Variants in CCDC6 observed in about 807,000 individuals in gnomAD.
CCDC6 encodes the protein coiled-coil domain containing 6, also known as coiled-coil domain-containing protein 6.
CCDC6 carries 20 observed loss-of-function variants against 56.6 expected under a neutral mutation model. That is an observed-to-expected ratio of 0.35 (90% CI 0.25 to 0.51). CCDC6 has a LOEUF of 0.51. CCDC6 is among the 20% of genes least tolerant of loss of function. The pLI is 0.95. For missense variants in CCDC6, 367 were observed against 601.1 expected (o/e 0.61, Z 4.07); for synonymous variants, 241 against 234.4 (o/e 1.03, Z -0.26).
chr10:59,789,095 G>A lies in CCDC6; in HGVS notation c.*3822C>T, dbSNP rs1446759334. On this transcript the variant is annotated 3_prime_UTR_variant, in exon 9 of 9. Transcript: ENST00000263102. Reference sequence around the variant, plus strand: ...CAAATCAAGTCCAAAGAAGGCTCAGGGGTCAACCTGACCAGATACTCTTCT... The same window carrying A: ...CAAATCAAGTCCAAAGAAGGCTCAGAGGTCAACCTGACCAGATACTCTTCT... 14 of 75,764 alleles carry A rather than the reference G, an allele frequency of 1.8e-4. No homozygotes were observed. In the Admixed American group the frequency reaches 5.6e-3, roughly 30 times the overall value. The allele number at this position is 75,764 out of a possible 1,614,324, so 4.7% of individuals were successfully genotyped here.
intron 1 of CCDC6, among the ~76,000 whole-genome samples, chr10:59,881,556 T>TG (rs1278348028): frequency 2.0e-5 from 3 of 152,110 alleles, no homozygotes; most frequent in Non-Finnish European, 4.4e-5. Context: ...TAAAATTCAC[T>TG]GGGGGGTTCT....
intron 3 of CCDC6, among the ~76,000 whole-genome samples, chr10:59,829,393 T>A (rs765548042): frequency 7.2e-5 from 11 of 152,236 alleles, no homozygotes; most frequent in African/African-American, 2.4e-4. Context: ...AGAGTTACCA[T>A]GTGACCCAGC....
At chr10:59,880,566 T>A (rs2071324814) in intron 1 of CCDC6, among the ~76,000 whole-genome samples, 1 of 152,212 alleles carries the variant, frequency 6.6e-6, no homozygotes, top group Non-Finnish European at 1.5e-5. Context: ...TGTTTCGTGA[T>A]CTGGGTGCAA....
chr10:59,887,315 GA>G (rs1370267016), intron 1 of CCDC6, among the ~76,000 whole-genome samples: 1 of 152,042 alleles, frequency 6.6e-6, no homozygotes, highest in Non-Finnish European at 1.5e-5. Context: ...TCAACATAAG[GA>G]AATGGTTGAA....
At chr10:59,828,473 A>C (rs1370808003) in intron 3 of CCDC6, among the ~76,000 whole-genome samples, 1 of 152,228 alleles carries the variant, frequency 6.6e-6, no homozygotes, top group Non-Finnish European at 1.5e-5. Context: ...TTAAGAACTA[A>C]TGCAGGCTGT....
chr10:59,805,289 C>T (rs1162958113), intron 6 of CCDC6: 1 of 152,188 alleles, frequency 6.6e-6, no homozygotes, highest in African/African-American at 2.4e-5. Flanking sequence ...TTCTTGTACT[C>T]CACACATCCA....
intron 1 of CCDC6, among the ~76,000 whole-genome samples, chr10:59,857,648 G>A (rs548077994): frequency 1.6e-4 from 24 of 151,986 alleles, no homozygotes; most frequent in Admixed American, 8.5e-4. Context: ...AAGTTCAAGT[G>A]CCTACCAAGA....
intron 1 of CCDC6, among the ~76,000 whole-genome samples, chr10:59,893,970 GAC>G (rs1196782430): frequency 1.3e-5 from 2 of 152,090 alleles, no homozygotes; most frequent in African/African-American, 4.8e-5. Context: ...TTTCATCTGT[GAC>G]ACTGAGATCA....
chr10:59,804,646 A>G (rs891341206), intron 6 of CCDC6, 126 bp from the exon 7 acceptor site: 2 of 658,296 alleles, frequency 3.0e-6, no homozygotes, highest in Non-Finnish European at 5.5e-6. Context: ...GAGTGATGTT[A>G]TAGTTAAAAG....
At chr10:59,836,906 T>C (rs2070887671) in intron 2 of CCDC6, among the ~76,000 whole-genome samples, 1 of 152,174 alleles carries the variant, frequency 6.6e-6, no homozygotes, top group Non-Finnish European at 1.5e-5. Context: ...TAAATGAAAA[T>C]GCAACTATAT....
intron 1 of CCDC6, among the ~76,000 whole-genome samples, chr10:59,904,616 T>A (rs1043222586): frequency 6.6e-6 from 1 of 152,250 alleles, no homozygotes; most frequent in Non-Finnish European, 1.5e-5. Flanking sequence ...ATAGGAGGCT[T>A]GGAAGTGGCT....
At chr10:59,860,981 G>T (rs1227605320) in intron 1 of CCDC6, among the ~76,000 whole-genome samples, 1 of 152,062 alleles carries the variant, frequency 6.6e-6, no homozygotes, top group Non-Finnish European at 1.5e-5. Flanking sequence ...GATCACTTGA[G>T]GTCAGGAGTT....
At chr10:59,903,165 G>A (rs980698606) in intron 1 of CCDC6, among the ~76,000 whole-genome samples, 1 of 152,192 alleles carries the variant, frequency 6.6e-6, no homozygotes, top group African/African-American at 2.4e-5. Flanking sequence ...GGGAGGGAAA[G>A]ATGAACAGAG....
chr10:59,875,387 A>G (rs184925348), intron 1 of CCDC6, among the ~76,000 whole-genome samples: 55 of 152,324 alleles, frequency 3.6e-4, no homozygotes, highest in African/African-American at 1.3e-3. Context: ...CTGAACCAGG[A>G]AAGATTTGGG....
intron 3 of CCDC6, 68 bp from the exon 4 acceptor site, chr10:59,814,823 TG>T: frequency 9.6e-7 from 1 of 1,038,736 alleles, no homozygotes; most frequent in Non-Finnish European, 1.5e-6. Context: ...ATTTTTTGAT[TG>T]AACAATTAGG....
chr10:59,819,872 A>C (rs1381840845), intron 3 of CCDC6, among the ~76,000 whole-genome samples: 1 of 152,204 alleles, frequency 6.6e-6, no homozygotes, highest in Non-Finnish European at 1.5e-5. Flanking sequence ...GATAGAGCTA[A>C]TTTATTCATT....
At chr10:59,804,039 T>C (rs1046186082) in intron 7 of CCDC6, among the ~76,000 whole-genome samples, 3 of 152,202 alleles carry the variant, frequency 2.0e-5, no homozygotes, top group Non-Finnish European at 4.4e-5. Flanking sequence ...TTAATGTATG[T>C]GGAATATGGT....
In CCDC6 at chr10:59,906,479, A is replaced by AGGCCGGGCTGCGAATGAGTGGG. The variant is rs1365815387; in HGVS notation, c.-77_-56dup. On this transcript the variant is annotated 5_prime_UTR_variant, in exon 1 of 9. Transcript: ENST00000263102. ...AGCAGCAGGGAGGCGGCGGCGACGA[A>AGGCCGGGCTGCGAATGAGTGGG]GGCCGGGCTGCGAATGAGTGGGCGC... The AGGCCGGGCTGCGAATGAGTGGG allele has an allele frequency of 7.1e-7, 1 of 1,405,234 alleles. No individual in the cohort carries two copies. Among genetic ancestry groups the AGGCCGGGCTGCGAATGAGTGGG allele is most frequent in the Non-Finnish European group, 9.2e-7 (1 of 1,083,758 alleles). 87.0% of individuals were successfully genotyped at this position (1,405,234 alleles called of 1,614,324 possible).
chr10:59,825,126 G>C (rs2070777401), intron 3 of CCDC6, among the ~76,000 whole-genome samples: 1 of 152,204 alleles, frequency 6.6e-6, no homozygotes, highest in African/African-American at 2.4e-5. Flanking sequence ...GAATTTAAGA[G>C]AAACACCATT....
Sources: gnomAD v4.1 joint callset for allele counts (sites outside exome capture counted in the v4.1 genomes callset) on GRCh38, gnomAD v4.1.1 for gene constraint, MANE v1.5 for transcripts, NCBI Gene and HGNC (gene_info 2026-07-23, HGNC 2026-07-21) for gene names.